The following TENM2 variants were observed in gnomAD, a reference collection of about 807,000 sequenced individuals.
TENM2 encodes the protein teneurin transmembrane protein 2.
TENM2 carries 52 observed loss-of-function variants against 245.2 expected under a neutral mutation model. The observed-to-expected ratio is 0.21, with a 90% CI of 0.17 to 0.27. The LOEUF (loss-of-function observed/expected upper bound fraction) is 0.27, where lower values mean the gene tolerates loss of function less well. Ranked by LOEUF, TENM2 falls within the 10% of genes least tolerant of loss-of-function variation. TENM2 has a pLI of 1.00. For missense variants in TENM2, 3,046 were observed against 3,666.8 expected, an observed-to-expected ratio of 0.83 and a Z score of 4.37; for synonymous variants, 1,363 against 1,438.9, an observed-to-expected ratio of 0.95 and a Z score of 1.19.
intron 2 of TENM2, among the ~76,000 whole-genome samples, chr5:167,697,436 G>A (rs75833250): frequency 0.078 from 11,903 of 152,234 alleles, 856 homozygotes; most frequent in East Asian, 0.36. Flanking sequence ...TAAGCTCCCT[G>A]AAGCCATGCT....
chr5:168,143,331 ATACTT>A (rs905575529), intron 12 of TENM2, among the ~76,000 whole-genome samples: 4 of 151,966 alleles, frequency 2.6e-5, no homozygotes, highest in African/African-American at 7.3e-5. Flanking sequence ...CTCTCAAACA[ATACTT>A]TATAAAAATT....
At chr5:167,078,600 T>A in the TENM2 span, among the ~76,000 whole-genome samples, 1 of 152,216 alleles carries the variant, frequency 6.6e-6, no homozygotes, top group East Asian at 1.9e-4. Flanking sequence ...TAATTCTTGT[T>A]ATTCCCAACA....
chr5:168,142,071 G>A (rs1470482153), intron 12 of TENM2, among the ~76,000 whole-genome samples: 4 of 152,162 alleles, frequency 2.6e-5, no homozygotes, highest in East Asian at 3.9e-4. Flanking sequence ...CATGGTTTAC[G>A]GACATCCCAG....
At chr5:167,633,435 G>A (rs1320558691) in intron 2 of TENM2, among the ~76,000 whole-genome samples, 1 of 152,160 alleles carries the variant, frequency 6.6e-6, no homozygotes, top group African/African-American at 2.4e-5. Context: ...AAACGGAGTG[G>A]AATTTGGAGA....
intron 2 of TENM2, among the ~76,000 whole-genome samples, chr5:167,800,061 G>C (rs1474104142): frequency 9.9e-5 from 15 of 152,208 alleles, no homozygotes; most frequent in Non-Finnish European, 4.4e-5. Context: ...TCCACATGAG[G>C]AAAGGTATAT....
intron 2 of TENM2, among the ~76,000 whole-genome samples, chr5:167,756,222 A>C (rs77937450): frequency 1.3e-5 from 2 of 150,338 alleles, no homozygotes; most frequent in South Asian, 4.2e-4. Context: ...ATGTTGTATG[A>C]TATATATATA....
At chr5:168,033,531 A>G (rs1167652717) in intron 5 of TENM2, among the ~76,000 whole-genome samples, 1 of 152,134 alleles carries the variant, frequency 6.6e-6, no homozygotes, top group African/African-American at 2.4e-5. Context: ...GACTATTATC[A>G]TTATTATTAG....
At chr5:168,167,909 A>G (rs369084529) in intron 13 of TENM2, among the ~76,000 whole-genome samples, 124 of 152,360 alleles carry the variant, frequency 8.1e-4, no homozygotes, top group Non-Finnish European at 1.3e-3. Flanking sequence ...CACCTGGCTC[A>G]TAGATGCCCT....
intron 2 of TENM2, among the ~76,000 whole-genome samples, chr5:167,589,378 C>G (rs1775726201): frequency 6.6e-6 from 1 of 151,992 alleles, no homozygotes; most frequent in South Asian, 2.1e-4. Flanking sequence ...AGAAATTGGA[C>G]TCTGCATAAC....
intron 2 of TENM2, among the ~76,000 whole-genome samples, chr5:167,470,383 G>A (rs983360508): frequency 7.0e-6 from 1 of 143,082 alleles, no homozygotes; most frequent in Non-Finnish European, 1.5e-5. Context: ...TTCCTAATAT[G>A]TCAGTAGAAC....
chr5:167,929,119 AAGAAAG>A (rs552277767), intron 3 of TENM2, among the ~76,000 whole-genome samples: 1 of 137,262 alleles, frequency 7.3e-6, no homozygotes, highest in South Asian at 2.4e-4. Flanking sequence ...GAAAGAAAGA[AAGAAAG>A]AAAGAAAAGA....
At chr5:167,800,758 A>G (rs73803203) in intron 2 of TENM2, among the ~76,000 whole-genome samples, 175 of 152,232 alleles carry the variant, frequency 1.1e-3, no homozygotes, top group African/African-American at 4.0e-3. Context: ...GTAAAATAAC[A>G]CACCTACCCT....
At chr5:167,511,451 C>A (rs1769948476) in intron 2 of TENM2, among the ~76,000 whole-genome samples, 1 of 152,174 alleles carries the variant, frequency 6.6e-6, no homozygotes, top group Non-Finnish European at 1.5e-5. Context: ...AAGCACTGAT[C>A]ACCCTTAATG....
chr5:168,130,258 A>T (rs867299431), intron 12 of TENM2: 2 of 152,362 alleles, frequency 1.3e-5, no homozygotes, highest in Middle Eastern at 6.8e-3. Context: ...ACATTTAAAT[A>T]TAAGGTATAA....
chr5:168,191,517 A>G (rs1760960042), intron 14 of TENM2, among the ~76,000 whole-genome samples: 1 of 152,110 alleles, frequency 6.6e-6, no homozygotes, highest in Non-Finnish European at 1.5e-5. Context: ...GGTCCTTCAC[A>G]TCAAGAAATA....
At chr5:167,480,454 A>G (rs968637104) in intron 2 of TENM2, among the ~76,000 whole-genome samples, 1 of 152,230 alleles carries the variant, frequency 6.6e-6, no homozygotes, top group Non-Finnish European at 1.5e-5. Context: ...CATGTAAATT[A>G]CTAAAGAGGA....
intron 2 of TENM2, among the ~76,000 whole-genome samples, chr5:167,501,477 G>A (rs189448162): frequency 2.6e-5 from 4 of 152,266 alleles, no homozygotes; most frequent in African/African-American, 9.6e-5. Context: ...TGTTTATGTT[G>A]ATTGTAATGT....
intron 2 of TENM2, among the ~76,000 whole-genome samples, chr5:167,638,812 C>A (rs568316018): frequency 4.7e-4 from 71 of 152,186 alleles, no homozygotes; most frequent in Admixed American, 1.3e-3. Context: ...GTGTGAAAAT[C>A]AAAAATGAGC....
chr5:167,964,323 G>A (rs1290045307), intron 4 of TENM2, among the ~76,000 whole-genome samples: 1 of 152,130 alleles, frequency 6.6e-6, no homozygotes, highest in Non-Finnish European at 1.5e-5. Flanking sequence ...GGATCTGTCT[G>A]AGCAGTAGAT....
Sources: allele counts gnomAD v4.1 joint callset (sites outside exome capture counted in the v4.1 genomes callset), GRCh38; gene constraint gnomAD v4.1.1; transcripts MANE v1.5; gene names NCBI Gene and HGNC (gene_info 2026-07-23, HGNC 2026-07-21).